The following ZNF254 variants were observed in gnomAD, a reference collection of about 807,000 sequenced individuals.
ZNF254 encodes the protein CTD-2017D11.1.
ZNF254 carries 10 observed loss-of-function variants against 12.4 expected under a neutral mutation model. The ratio of observed to expected loss-of-function variants is 0.80; its 90% confidence interval spans 0.50 to 1.36. The LOEUF (loss-of-function observed/expected upper bound fraction) is 1.36. Ranked by LOEUF, ZNF254 falls within the 40% of genes most tolerant of loss-of-function variation. The pLI, the probability that ZNF254 is intolerant of heterozygous loss-of-function variation, is 0.00. For synonymous variants in ZNF254, 305 were observed against 253.4 expected, an observed-to-expected ratio of 1.20 and a Z score of -1.93; for missense variants, 996 against 763.9, an observed-to-expected ratio of 1.30 and a Z score of -3.58.
rs373466420 is a variant in ZNF254 at position 24,127,954 on chromosome 19, C to G, written c.1954C>G (p.His652Asp). Residue 652 changes from histidine to aspartate, a missense_variant, in exon 4 of 4, where the codon CAT (histidine) becomes GAT (aspartate). By Grantham distance (81) the His-to-Asp change is moderately conservative. Transcript: ENST00000357002. ...GCACCTCACCACAGATAAGATAACT[C>G]ATTGGAGAGAAATCTTACAAGTATG... ...SSHLTTDKIT[H>D]WREILQV 1 of 1,565,756 alleles carries G rather than the reference C, an allele frequency of 6.4e-7. No homozygotes were observed. The highest frequency in any genetic ancestry group is 1.4e-5 in the African/African-American group (1 of 72,792).
intron 2 of ZNF254, among the ~76,000 whole-genome samples, chr19:24,055,470 G>C (rs572668673): frequency 8.3e-4 from 126 of 151,806 alleles, no homozygotes; most frequent in African/African-American, 2.8e-3. Context: ...GTAGAAACAG[G>C]GTTTCACCAT....
At position 24,127,978 on chromosome 19, in the gene ZNF254, T is replaced by A; in HGVS notation, c.1978T>A (p.Ter660ArgextTer27). The A allele has an allele frequency of 3.2e-6, 5 of 1,543,114 alleles. No homozygotes were observed. The South Asian group carries it at 6.5e-5, about 20-fold the overall frequency. Residue 660 changes from the stop codon to arginine (R), a stop_lost, in exon 4 of 4, where the codon TGA becomes AGA. Transcript: ENST00000357002. ...ITHWREILQV[*>R] The stretch of plus-strand genomic sequence containing the variant: ...TCATTGGAGAGAAATCTTACAAGTA[T>A]GAATAATGTGCCAAAGCCTAAGAAA...
intron 3 of ZNF254, among the ~76,000 whole-genome samples, chr19:24,111,163 T>C (rs1016783777): frequency 4.8e-5 from 7 of 147,324 alleles, no homozygotes; most frequent in Middle Eastern, 3.5e-3. Flanking sequence ...TCATGTGTTC[T>C]CATTGTTCAA....
chr19:24,098,352 A>G (rs1972792664), intron 1 of ZNF254: 1 of 152,178 alleles, frequency 6.6e-6, no homozygotes, highest in Non-Finnish European at 1.5e-5. Flanking sequence ...AAACTGTAAT[A>G]CCTCTCTAGT....
intron 2 of ZNF254, among the ~76,000 whole-genome samples, chr19:24,068,647 A>G (rs1971366857): frequency 6.6e-6 from 1 of 152,108 alleles, no homozygotes; most frequent in Admixed American, 6.5e-5. Flanking sequence ...ATCCCCAGCC[A>G]AGAACCTAGA....
upstream of ZNF254, among the ~76,000 whole-genome samples, chr19:24,086,894 AAT>A (rs1352483519): frequency 6.6e-6 from 1 of 152,254 alleles, no homozygotes; most frequent in African/African-American, 2.4e-5. Context: ...ATATACATAA[AAT>A]ATGTTTGTTC....
chr19:24,099,271 C>A (rs1972865592), intron 1 of ZNF254, among the ~76,000 whole-genome samples: 1 of 151,510 alleles, frequency 6.6e-6, no homozygotes, highest in Admixed American at 6.6e-5. Context: ...TCCCAAAGTG[C>A]TAGGATAACA....
chr19:24,115,916 G>A (rs914038066), intron 3 of ZNF254, among the ~76,000 whole-genome samples: 2 of 152,082 alleles, frequency 1.3e-5, no homozygotes, highest in African/African-American at 2.4e-5. Context: ...CTCAGCATTT[G>A]CTTGTCTGTA....
At chr19:24,115,349 A>G (rs1357356199) in intron 3 of ZNF254, among the ~76,000 whole-genome samples, 3 of 152,236 alleles carry the variant, frequency 2.0e-5, no homozygotes, top group African/African-American at 7.2e-5. Flanking sequence ...GCAGCCATCA[A>G]TAATGATGAG....
rs1008249800 is a variant in ZNF254 at position 24,128,226 on chromosome 19, G to T, written c.*246G>T. 7.2e-6 allele frequency: 3 copies of T among 417,622 alleles called. No homozygotes were observed. Among genetic ancestry groups the T allele is most frequent in the Non-Finnish European group, 1.3e-5 (3 of 239,876 alleles). The allele number at this position is 417,622 out of a possible 1,614,324, so 25.9% of individuals were successfully genotyped here. A position where few individuals can be genotyped will look rare whatever the true frequency, so the allele number is the denominator to read the frequency against. On this transcript the variant is annotated 3_prime_UTR_variant, in exon 4 of 4. Coordinates refer to ENST00000357002, the MANE Select transcript of ZNF254 (RefSeq NM_203282.4). Reference sequence around the variant, plus strand: ...GAAAACTACCAGTGTGAACAACGTGGCCAAGCTTCGACAATGCTCACACCC... The same window carrying T: ...GAAAACTACCAGTGTGAACAACGTGTCCAAGCTTCGACAATGCTCACACCC...
intron 3 of ZNF254, among the ~76,000 whole-genome samples, chr19:24,115,159 C>T (rs552315329): frequency 9.5e-4 from 143 of 151,268 alleles, no homozygotes; most frequent in African/African-American, 3.4e-3. Context: ...ATTTGACCCA[C>T]CCAACCCATT....
rs184316573 is a variant in ZNF254 at position 24,090,550 on chromosome 19, C to G, written c.30+3213C>G. Among the ~76,000 whole-genome samples, 311 of 152,228 alleles carry G rather than the reference C, an allele frequency of 2.0e-3. 1 individual carries two copies. The highest frequency in any genetic ancestry group is 7.3e-3 in the African/African-American group (302 of 41,538). ...ATCTTGAGTTCAGGTGATTCTCATGCCTCAGCCTCCCAAGTAGCTGGGACT... is the reference window on the plus strand; with the variant it reads ...ATCTTGAGTTCAGGTGATTCTCATGGCTCAGCCTCCCAAGTAGCTGGGACT... On this transcript the variant is annotated intron_variant, in intron 1 of 3. Coordinates refer to ENST00000357002, the MANE Select transcript of ZNF254 (RefSeq NM_203282.4).
intron 1 of ZNF254, among the ~76,000 whole-genome samples, chr19:24,041,708 C>A (rs150792584): frequency 1.3e-5 from 2 of 152,050 alleles, no homozygotes; most frequent in Admixed American, 6.5e-5. Flanking sequence ...GAGCGCACGG[C>A]GCAGGACTGG....
chr19:24,044,397 G>A (rs933847822), intron 1 of ZNF254, among the ~76,000 whole-genome samples: 1 of 151,908 alleles, frequency 6.6e-6, no homozygotes, highest in African/African-American at 2.4e-5. Context: ...AATTAGCCGG[G>A]CATGGTGGCA....
intron 2 of ZNF254, among the ~76,000 whole-genome samples, chr19:24,051,959 C>T (rs1293426065): frequency 1.3e-5 from 2 of 152,016 alleles, no homozygotes; most frequent in African/African-American, 2.4e-5. Context: ...TTTTTGGGCC[C>T]GTAATTTAGA....
chr19:24,110,716 C>T (rs1973619081), intron 3 of ZNF254, among the ~76,000 whole-genome samples: 5 of 152,150 alleles, frequency 3.3e-5, no homozygotes, highest in Admixed American at 3.3e-4. Context: ...CCTTGGCAAA[C>T]ACCCTTCCAC....
At position 24,126,545 on chromosome 19, in the gene ZNF254, T is replaced by C. The variant is rs778883655; in HGVS notation, c.545T>C (p.Phe182Ser). The C allele has an allele frequency of 1.2e-6, 2 of 1,602,642 alleles. No individual in the cohort carries two copies. The highest frequency in any genetic ancestry group is 1.7e-6 in the Non-Finnish European group (2 of 1,176,800). ...PKIRHTEKKSFKCKKRVKLFC... is the reference protein window; with the variant it reads ...PKIRHTEKKSSKCKKRVKLFC... ...ATAAGACATACTGAAAAGAAATCTT[T>C]CAAATGTAAAAAACGTGTCAAATTA... The change falls in exon 4 of 4, where the codon TTC (phenylalanine) becomes TCC (serine). Residue 182 changes from phenylalanine (F) to serine (S), a missense_variant. Phe to Ser is a radical substitution (Grantham distance 155, BLOSUM62 -2). Transcript: ENST00000357002.
intron 2 of ZNF254, among the ~76,000 whole-genome samples, chr19:24,071,872 G>T (rs988001161): frequency 3.9e-5 from 6 of 152,150 alleles, no homozygotes; most frequent in Admixed American, 6.5e-5. Flanking sequence ...CCTATTAGCA[G>T]GGCTCATGCA....
intron 1 of ZNF254, among the ~76,000 whole-genome samples, chr19:24,037,754 C>A (rs888127015): frequency 6.6e-6 from 1 of 152,176 alleles, no homozygotes; most frequent in African/African-American, 2.4e-5. Flanking sequence ...GGATTACAGG[C>A]ATGTGCCACC....
Sources: allele counts gnomAD v4.1 joint callset (sites outside exome capture counted in the v4.1 genomes callset), GRCh38; gene constraint gnomAD v4.1.1; transcripts MANE v1.5; gene names NCBI Gene and HGNC (gene_info 2026-07-23, HGNC 2026-07-21).